Variants in KCNN2 observed in about 807,000 individuals in gnomAD.
The protein encoded by KCNN2 is small conductance calcium-activated potassium channel protein 2.
A neutral mutation model predicts 55.5 loss-of-function variants in KCNN2; 24 were observed. That is an observed-to-expected ratio of 0.43 (90% CI 0.31 to 0.61). The LOEUF is 0.61. Ranked by LOEUF, KCNN2 falls within the 20% of genes least tolerant of loss-of-function variation. The pLI is 0.08. For synonymous variants in KCNN2, 431 were observed against 336.1 expected (o/e 1.28, Z -3.09); for missense variants, 754 against 853.6 (o/e 0.88, Z 1.45).
chr5:114,256,824 C>G (rs151112063), intron 2 of KCNN2, among the ~76,000 whole-genome samples: 64 of 152,132 alleles, frequency 4.2e-4, no homozygotes, highest in African/African-American at 1.5e-3. Context: ...CATTTGTGCA[C>G]TCTGTTTATT....
chr5:114,105,438 C>T (rs1036824719), intron 1 of KCNN2, among the ~76,000 whole-genome samples: 14 of 151,978 alleles, frequency 9.2e-5, no homozygotes, highest in African/African-American at 3.1e-4. Flanking sequence ...GGTATTCTTC[C>T]TGTTAGTAGT....
intron 2 of KCNN2, among the ~76,000 whole-genome samples, chr5:114,231,278 C>G (rs568079949): frequency 1.1e-5 from 1 of 91,974 alleles, no homozygotes; most frequent in East Asian, 2.7e-4. Flanking sequence ...TGCAGAAGCT[C>G]TTTAGTTTAA....
At chr5:114,089,579 C>A (rs1255273135) in intron 1 of KCNN2, among the ~76,000 whole-genome samples, 1 of 152,134 alleles carries the variant, frequency 6.6e-6, no homozygotes, top group African/African-American at 2.4e-5. Context: ...TTATAGAATG[C>A]TTTTCTTGTA....
At chr5:114,103,235 G>A (rs1751408817) in intron 1 of KCNN2, among the ~76,000 whole-genome samples, 1 of 152,092 alleles carries the variant, frequency 6.6e-6, no homozygotes, top group African/African-American at 2.4e-5. Context: ...TTGGTTCTCT[G>A]TCTGTTATTC....
At chr5:114,412,027 A>G (rs1759151270) in intron 3 of KCNN2, among the ~76,000 whole-genome samples, 1 of 152,206 alleles carries the variant, frequency 6.6e-6, no homozygotes, top group South Asian at 2.1e-4. Flanking sequence ...CATCAGTAGT[A>G]TGAAGGAGTT....
At chr5:114,243,833 A>C (rs1258405552) in intron 2 of KCNN2, among the ~76,000 whole-genome samples, 3 of 152,240 alleles carry the variant, frequency 2.0e-5, no homozygotes, top group African/African-American at 7.2e-5. Flanking sequence ...ACAGAACACC[A>C]AAGCAGGTTT....
intron 1 of KCNN2, among the ~76,000 whole-genome samples, chr5:114,200,201 C>G (rs1259082967): frequency 1.3e-5 from 2 of 151,384 alleles, no homozygotes; most frequent in African/African-American, 4.8e-5. Context: ...TTTTAAAATA[C>G]TTTTTTTTTA....
At chr5:114,483,329 C>T (rs1181893551) in intron 5 of KCNN2, among the ~76,000 whole-genome samples, 3 of 146,780 alleles carry the variant, frequency 2.0e-5, no homozygotes, top group Non-Finnish European at 4.5e-5. Flanking sequence ...GGCTGGAGCA[C>T]AGCAGCGTGA....
At chr5:114,095,006 G>A (rs2112560889) in intron 1 of KCNN2, among the ~76,000 whole-genome samples, 1 of 151,892 alleles carries the variant, frequency 6.6e-6, no homozygotes, top group South Asian at 2.1e-4. Context: ...TTTAAATATT[G>A]TCTTATTTTA....
At chr5:114,435,132 T>G (rs1580831254) in intron 3 of KCNN2, among the ~76,000 whole-genome samples, 1 of 123,674 alleles carries the variant, frequency 8.1e-6, no homozygotes, top group Non-Finnish European at 1.7e-5. Flanking sequence ...CCCTCACCCC[T>G]TACCCCTCAC....
chr5:114,311,827 A>G (rs1435763913), intron 2 of KCNN2, among the ~76,000 whole-genome samples: 1 of 152,074 alleles, frequency 6.6e-6, no homozygotes, highest in Non-Finnish European at 1.5e-5. Flanking sequence ...GAAAGATTGG[A>G]CCAGTTACAA....
intron 1 of KCNN2, among the ~76,000 whole-genome samples, chr5:114,114,125 T>G (rs565958468): frequency 1.3e-5 from 2 of 152,226 alleles, no homozygotes; most frequent in Non-Finnish European, 2.9e-5. Flanking sequence ...ATTAATCACT[T>G]AGATTAGAAG....
chr5:114,225,020 C>G (rs546378158), intron 2 of KCNN2, among the ~76,000 whole-genome samples: 25 of 152,264 alleles, frequency 1.6e-4, no homozygotes, highest in Non-Finnish European at 2.2e-4. Context: ...CTGAGAAAAT[C>G]TATCCCTATA....
intron 1 of KCNN2, among the ~76,000 whole-genome samples, chr5:114,117,554 G>T (rs1268835009): frequency 6.6e-6 from 1 of 152,180 alleles, no homozygotes; most frequent in African/African-American, 2.4e-5. Flanking sequence ...GCAGTGAATT[G>T]CTTGAGCCGT....
intron 2 of KCNN2, among the ~76,000 whole-genome samples, chr5:114,391,871 G>T (rs1323110439): frequency 6.6e-6 from 1 of 152,120 alleles, no homozygotes; most frequent in Non-Finnish European, 1.5e-5. Flanking sequence ...TGGAATTACT[G>T]TGACTCTTTT....
At chr5:114,207,103 T>C (rs1429625117) in intron 1 of KCNN2, among the ~76,000 whole-genome samples, 1 of 152,290 alleles carries the variant, frequency 6.6e-6, no homozygotes, top group South Asian at 2.1e-4. Context: ...GAAGCTGTTA[T>C]CGATGGGAGC....
intron 3 of KCNN2, among the ~76,000 whole-genome samples, chr5:114,453,706 C>A (rs1006018801): frequency 8.6e-5 from 13 of 151,972 alleles, no homozygotes; most frequent in African/African-American, 3.1e-4. Context: ...TTTCTACTTT[C>A]TGGGAAATTT....
chr5:114,368,959 T>C (rs1757685408), intron 2 of KCNN2, among the ~76,000 whole-genome samples: 2 of 152,082 alleles, frequency 1.3e-5, no homozygotes, highest in African/African-American at 2.4e-5. Context: ...ATAGGCAAAT[T>C]GGAGTTTTCT....
intron 1 of KCNN2, among the ~76,000 whole-genome samples, chr5:114,199,798 A>G (rs983055770): frequency 6.6e-6 from 1 of 152,046 alleles, no homozygotes; most frequent in African/African-American, 2.4e-5. Flanking sequence ...TTCTTGGCAG[A>G]TAATTTTTTT....
Sources: gnomAD v4.1 joint callset for allele counts (sites outside exome capture counted in the v4.1 genomes callset) on GRCh38, gnomAD v4.1.1 for gene constraint, MANE v1.5 for transcripts, NCBI Gene and HGNC (gene_info 2026-07-23, HGNC 2026-07-21) for gene names.